Variants in ASTN2 observed in about 807,000 individuals in gnomAD.
ASTN2 encodes astrotactin-2.
Under a neutral mutation model 139.8 loss-of-function variants are expected in ASTN2, and 54 were observed. That is an observed-to-expected ratio of 0.39 (90% CI 0.31 to 0.48). The LOEUF is 0.48. ASTN2 is among the 20% of genes least tolerant of loss of function. The pLI, the probability that ASTN2 is intolerant of heterozygous loss-of-function variation, is 0.95. For missense variants in ASTN2, 1,565 were observed against 1,725.1 expected (o/e 0.91, Z 1.64); for synonymous variants, 756 against 719.5 (o/e 1.05, Z -0.81).
intron 10 of ASTN2, among the ~76,000 whole-genome samples, chr9:116,952,600 G>A (rs945845277): frequency 1.3e-5 from 2 of 152,202 alleles, no homozygotes; most frequent in African/African-American, 2.4e-5. Flanking sequence ...CATGGGCAGC[G>A]TGACATGCAG....
chr9:117,028,591 T>A (rs1415412188), intron 6 of ASTN2, among the ~76,000 whole-genome samples: 2 of 147,602 alleles, frequency 1.4e-5, no homozygotes, highest in African/African-American at 2.4e-5. Context: ...TTCCCACTAC[T>A]TTATTTTTCA....
chr9:117,225,535 G>GTATGTATATATATATA (rs369914209), intron 2 of ASTN2, among the ~76,000 whole-genome samples: 13 of 63,936 alleles, frequency 2.0e-4, no homozygotes, highest in Admixed American at 7.9e-4. Context: ...CAAGCTGTAT[G>GTATGTATATATATATA]TATATATATA....
chr9:116,760,535 T>C (rs1205158927), intron 13 of ASTN2, among the ~76,000 whole-genome samples: 3 of 152,220 alleles, frequency 2.0e-5, no homozygotes, highest in Non-Finnish European at 2.9e-5. Flanking sequence ...GACTGTGACT[T>C]GGGAACAATG....
chr9:117,045,243 T>A (rs534294841), intron 5 of ASTN2, among the ~76,000 whole-genome samples: 4 of 121,222 alleles, frequency 3.3e-5, no homozygotes, highest in Non-Finnish European at 6.8e-5. Flanking sequence ...GAATAAGATA[T>A]CCCATGTAAT....
At chr9:116,733,590 G>T (rs1828845084) in intron 13 of ASTN2, 67 bp from the exon 14 acceptor site, 1 of 1,597,616 alleles carries the variant, frequency 6.3e-7, no homozygotes, top group Middle Eastern at 1.7e-4. Flanking sequence ...ACAGGGCAAG[G>T]AGGCAGGATG....
intron 2 of ASTN2, among the ~76,000 whole-genome samples, chr9:117,238,388 G>A (rs150301921): frequency 2.8e-4 from 42 of 152,282 alleles, no homozygotes; most frequent in African/African-American, 7.5e-4. Context: ...AATAAGTGAC[G>A]TTGGTCAAGT....
rs1491583433 is a variant in ASTN2, at chr9:116,565,387, C to CTCTCTCTCT, written c.3355+52936_3355+52937insAGAGAGAGA. ...TCTCTCTCTCTCTCTCTCTCTCTCT[C>CTCTCTCTCT]CATATATATATATATATATATATAT... On this transcript the variant is annotated intron_variant, in intron 19 of 22. Transcript: ENST00000313400. 5.2e-3 allele frequency among the ~76,000 whole-genome samples: 219 copies of CTCTCTCTCT among 41,976 alleles called. 5 individuals carry two copies. The highest frequency in any genetic ancestry group is 0.042 in the Middle Eastern group (2 of 48). The allele number at this position is 41,976 out of a possible 152,430, so 27.5% of individuals were successfully genotyped here. A position where few individuals can be genotyped will look rare whatever the true frequency, so the allele number is the denominator to read the frequency against.
intron 1 of ASTN2, among the ~76,000 whole-genome samples, chr9:117,302,621 C>A (rs1251817692): frequency 3.3e-5 from 5 of 152,114 alleles, no homozygotes; most frequent in Non-Finnish European, 7.3e-5. Flanking sequence ...ACACCCCAAC[C>A]CAGGGGACTC....
In ASTN2 at chr9:116,442,564, G is replaced by T; in HGVS notation, c.3498-11C>A. The T allele has an allele frequency of 1.2e-6, 2 of 1,612,670 alleles. No individual in the cohort carries two copies. The highest frequency in any genetic ancestry group is 1.7e-6 in the Non-Finnish European group (2 of 1,178,674). The stretch of plus-strand genomic sequence containing the variant: ...GCATACAGAGTGAACCTGCAGCACA[G>T]CAAGAAAACAGAGCACCAGGCTGTG... On this transcript the variant is annotated splice_polypyrimidine_tract_variant and intron_variant, in intron 20 of 22. Transcript: ENST00000313400.
At chr9:116,915,232 G>C (rs980679443) in intron 10 of ASTN2, among the ~76,000 whole-genome samples, 2 of 152,192 alleles carry the variant, frequency 1.3e-5, no homozygotes, top group Non-Finnish European at 2.9e-5. Context: ...CTCCCTAAAA[G>C]ACCAAAAAGT....
rs1291558515 is a variant in ASTN2 at position 116,989,423 on chromosome 9, T to G, written c.1592-12638A>C. On this transcript the variant is annotated intron_variant, in intron 7 of 22. Coordinates refer to ENST00000313400, the MANE Select transcript of ASTN2 (RefSeq NM_001365068.1). ...TTCTCAGAGTGACCTCAGCCTCAAT[T>G]GCAGGCAGATGGTCAGGGTCACAGC... is the stretch of plus-strand genomic sequence containing the variant. Among the ~76,000 whole-genome samples the G allele has an allele frequency of 1.1e-4, 16 of 152,108 alleles. 1 individual carries two copies. Among genetic ancestry groups the G allele is most frequent in the Admixed American group, 1.0e-3 (16 of 15,284 alleles).
intron 5 of ASTN2, among the ~76,000 whole-genome samples, chr9:117,094,788 C>A (rs1362348068): frequency 6.6e-6 from 1 of 152,172 alleles, no homozygotes; most frequent in Non-Finnish European, 1.5e-5. Context: ...ACTTATTTTG[C>A]TTTTAGCATA....
At chr9:117,036,966 C>T (rs1209907551) in intron 6 of ASTN2, among the ~76,000 whole-genome samples, 1 of 152,044 alleles carries the variant, frequency 6.6e-6, no homozygotes, top group Non-Finnish European at 1.5e-5. Context: ...GCATCATCTG[C>T]CTTAGTTTTC....
intron 2 of ASTN2, among the ~76,000 whole-genome samples, chr9:117,262,041 T>A (rs1193599733): frequency 6.6e-6 from 1 of 152,208 alleles, no homozygotes; most frequent in African/African-American, 2.4e-5. Context: ...ATCAGCATTA[T>A]CCTAATGGCC....
At chr9:117,377,506 T>G (rs1830154168) in intron 1 of ASTN2, among the ~76,000 whole-genome samples, 1 of 152,162 alleles carries the variant, frequency 6.6e-6, no homozygotes, top group Non-Finnish European at 1.5e-5. Flanking sequence ...AAATTACACC[T>G]TGACTCTCTG....
intron 7 of ASTN2, among the ~76,000 whole-genome samples, chr9:116,984,522 G>C (rs1836620834): frequency 6.6e-6 from 1 of 152,192 alleles, no homozygotes; most frequent in African/African-American, 2.4e-5. Flanking sequence ...ACCCTTTGAA[G>C]CTTCTTTCAG....
At chr9:117,381,967 G>A (rs934060522) in intron 1 of ASTN2, among the ~76,000 whole-genome samples, 1 of 152,130 alleles carries the variant, frequency 6.6e-6, no homozygotes, top group African/African-American at 2.4e-5. Flanking sequence ...GAGAATAGAG[G>A]TCAAGGTCAA....
chr9:117,333,671 T>C (rs1458555051), intron 1 of ASTN2, among the ~76,000 whole-genome samples: 2 of 152,166 alleles, frequency 1.3e-5, no homozygotes, highest in African/African-American at 4.8e-5. Context: ...TATTTTACTT[T>C]ATTATGCTTT....
At chr9:117,185,201 TAC>T (rs1402612840) in intron 3 of ASTN2, among the ~76,000 whole-genome samples, 1 of 152,240 alleles carries the variant, frequency 6.6e-6, no homozygotes, top group Non-Finnish European at 1.5e-5. Flanking sequence ...TCTTCTTTTT[TAC>T]ATTTATTCCT....
Sources: allele counts gnomAD v4.1 joint callset (sites outside exome capture counted in the v4.1 genomes callset), GRCh38; gene constraint gnomAD v4.1.1; transcripts MANE v1.5; gene names NCBI Gene and HGNC (gene_info 2026-07-23, HGNC 2026-07-21).